Variants in EIF4G3 observed in about 807,000 individuals in gnomAD.
EIF4G3 encodes eIF-4-gamma 3.
EIF4G3 carries 34 observed loss-of-function variants against 186.4 expected under a neutral mutation model. The ratio of observed to expected loss-of-function variants is 0.18; its 90% CI spans 0.14 to 0.24. The LOEUF (loss-of-function observed/expected upper bound fraction) is 0.24. Among genes scored for constraint, EIF4G3 ranks in the 10% least tolerant of loss-of-function variants. The pLI is 1.00. For missense variants in EIF4G3, 1,536 were observed against 1,948.5 expected, an observed-to-expected ratio of 0.79 and a Z score of 3.99; for synonymous variants, 673 against 679.5, an observed-to-expected ratio of 0.99 and a Z score of 0.15.
At chr1:20,922,026 T>C (rs1413681726) in intron 14 of EIF4G3, among the ~76,000 whole-genome samples, 1 of 152,230 alleles carries the variant, frequency 6.6e-6, no homozygotes, top group Non-Finnish European at 1.5e-5. Flanking sequence ...TCAAGTATTT[T>C]TGCAGCATTT....
At chr1:20,821,563 T>C (rs985441189) in intron 33 of EIF4G3, among the ~76,000 whole-genome samples, 1 of 152,188 alleles carries the variant, frequency 6.6e-6, no homozygotes, top group African/African-American at 2.4e-5. Flanking sequence ...CTATTACGTA[T>C]ACTTCTCTAT....
At chr1:21,053,114 G>A (rs1169620060) in intron 3 of EIF4G3, among the ~76,000 whole-genome samples, 1 of 151,748 alleles carries the variant, frequency 6.6e-6, no homozygotes, top group African/African-American at 2.4e-5. Context: ...CTGCCCGGCC[G>A]CCATCCCATC....
At chr1:20,939,847 GTTTTTTTT>G (rs538504683) in intron 14 of EIF4G3, among the ~76,000 whole-genome samples, 3 of 89,952 alleles carry the variant, frequency 3.3e-5, no homozygotes, top group African/African-American at 1.2e-4. Flanking sequence ...AAGTTGTTTA[GTTTTTTTT>G]TTTTTTTTTT....
intron 4 of EIF4G3, among the ~76,000 whole-genome samples, chr1:21,019,165 G>A (rs980671335): frequency 2.6e-5 from 4 of 152,092 alleles, no homozygotes; most frequent in African/African-American, 9.7e-5. Context: ...TGGGACTAGA[G>A]GCACGAGTCA....
intron 31 of EIF4G3, among the ~76,000 whole-genome samples, chr1:20,828,440 G>A (rs914116008): frequency 7.2e-5 from 11 of 152,120 alleles, no homozygotes; most frequent in African/African-American, 2.7e-4. Flanking sequence ...ACCAAACTGT[G>A]TTCCATAGGA....
At chr1:20,863,378 T>TAAAAAAAAAAAAAAAAAAAAAAAAAA (rs3051243) in intron 22 of EIF4G3, among the ~76,000 whole-genome samples, 10 of 102,472 alleles carry the variant, frequency 9.8e-5, no homozygotes, top group East Asian at 5.1e-4. Context: ...CTACAAAAAG[T>TAAAAAAAAAAAAAAAAAAAAAAAAAA]AAAAAAAAAA....
chr1:20,890,046 C>T (rs2085504558), intron 18 of EIF4G3, among the ~76,000 whole-genome samples: 2 of 151,730 alleles, frequency 1.3e-5, no homozygotes, highest in Admixed American at 1.3e-4. Context: ...GATCTTGGCT[C>T]ACTACAGCCT....
chr1:20,938,563 C>T (rs1328725839), intron 14 of EIF4G3, among the ~76,000 whole-genome samples: 1 of 152,112 alleles, frequency 6.6e-6, no homozygotes, highest in Non-Finnish European at 1.5e-5. Flanking sequence ...TTTGGTGTTA[C>T]AATTTATTAA....
intron 34 of EIF4G3, among the ~76,000 whole-genome samples, chr1:20,816,389 G>A (rs1397476960): frequency 5.7e-4 from 67 of 118,162 alleles, no homozygotes; most frequent in African/African-American, 2.0e-3. Context: ...CCCCCCGCCC[G>A]GCCGGCCGCC....
intron 7 of EIF4G3, among the ~76,000 whole-genome samples, chr1:20,994,149 A>T (rs370977702): frequency 1.2e-4 from 19 of 152,234 alleles, no homozygotes; most frequent in East Asian, 9.6e-4. Flanking sequence ...ACGATGCTAA[A>T]TTAATTGTAT....
At chr1:21,123,518 T>C (rs2096964466) in intron 2 of EIF4G3, among the ~76,000 whole-genome samples, 1 of 149,370 alleles carries the variant, frequency 6.7e-6, no homozygotes, top group African/African-American at 2.5e-5. Flanking sequence ...TGGGCCAAGA[T>C]TGCACCACTG....
intron 7 of EIF4G3, among the ~76,000 whole-genome samples, chr1:20,987,072 C>G (rs1247168090): frequency 6.6e-6 from 1 of 152,104 alleles, no homozygotes; most frequent in African/African-American, 2.4e-5. Flanking sequence ...ACTCTAGAAG[C>G]CAGAATAAAA....
intron 16 of EIF4G3, among the ~76,000 whole-genome samples, chr1:20,896,342 G>A (rs1183344008): frequency 6.6e-6 from 1 of 150,876 alleles, no homozygotes; most frequent in Non-Finnish European, 1.5e-5. Flanking sequence ...TGGCTGAGGT[G>A]GGAAGATCAC....
chr1:20,812,940 C>T (rs1019089747), intron 35 of EIF4G3, among the ~76,000 whole-genome samples: 6 of 152,208 alleles, frequency 3.9e-5, no homozygotes, highest in Admixed American at 3.3e-4. Context: ...GCATGCAAGG[C>T]ATGTGGTAGC....
At chr1:20,821,871 CATTATT>C (rs35002410) in intron 33 of EIF4G3, among the ~76,000 whole-genome samples, 1 of 150,766 alleles carries the variant, frequency 6.6e-6, no homozygotes, top group African/African-American at 2.4e-5. Flanking sequence ...ATAAACCCTA[CATTATT>C]ATTATTATTA....
At chr1:21,083,588 T>C (rs936143071) in intron 3 of EIF4G3, among the ~76,000 whole-genome samples, 20 of 151,824 alleles carry the variant, frequency 1.3e-4, no homozygotes, top group Non-Finnish European at 2.4e-4. Context: ...CCTCCCAAAG[T>C]GCTGGGATTA....
At chr1:21,050,529 G>A (rs2094147672) in intron 4 of EIF4G3, among the ~76,000 whole-genome samples, 1 of 152,196 alleles carries the variant, frequency 6.6e-6, no homozygotes. Flanking sequence ...CACCCGAAAG[G>A]GGTGCGAGAC....
intron 12 of EIF4G3, among the ~76,000 whole-genome samples, chr1:20,955,481 C>T (rs890918133): frequency 7.9e-5 from 12 of 152,102 alleles, no homozygotes; most frequent in African/African-American, 2.7e-4. Context: ...GTAATCCTCC[C>T]GCCTCAGCCT....
At chr1:20,847,581 G>A (rs528501188) in intron 29 of EIF4G3, among the ~76,000 whole-genome samples, 1 of 152,206 alleles carries the variant, frequency 6.6e-6, no homozygotes, top group African/African-American at 2.4e-5. Context: ...CTTCCTTACT[G>A]TCTTGGCGTT....
Sources: gnomAD v4.1 joint callset for allele counts (sites outside exome capture counted in the v4.1 genomes callset) on GRCh38, gnomAD v4.1.1 for gene constraint, MANE v1.5 for transcripts, NCBI Gene and HGNC (gene_info 2026-07-23, HGNC 2026-07-21) for gene names.